The following SP100 variants were observed in gnomAD, a reference collection of about 807,000 sequenced individuals.
SP100 encodes the protein nuclear autoantigen Sp-100.
SP100 carries 84 observed loss-of-function variants against 130.0 expected under a neutral mutation model. That is an observed-to-expected ratio of 0.65 (90% CI 0.54 to 0.77). SP100 has a LOEUF of 0.77. Among genes scored for constraint, SP100 ranks in the 30% least tolerant of loss-of-function variants. The probability of loss-of-function intolerance (pLI) is 0.00; values close to 1 mark genes in which losing one functional copy is unlikely to be tolerated. For synonymous variants in SP100, 331 were observed against 351.7 expected (o/e 0.94, Z 0.66); for missense variants, 978 against 1,052.2 (o/e 0.93, Z 0.97).
chr2:230,441,585 A>G (rs2063469615), intron 2 of SP100, among the ~76,000 whole-genome samples: 1 of 152,206 alleles, frequency 6.6e-6, no homozygotes, highest in South Asian at 2.1e-4. Flanking sequence ...TGTTCAACAC[A>G]TCAACATGAA....
At chr2:230,511,291 A>C (rs1337533434) in intron 24 of SP100, 125 bp downstream of exon 24, 1 of 747,180 alleles carries the variant, frequency 1.3e-6, no homozygotes, top group African/African-American at 1.7e-5. Flanking sequence ...GTGTGTGATT[A>C]GAAGATGCAA....
At chr2:230,443,682 A>G (rs953029618) in intron 3 of SP100, among the ~76,000 whole-genome samples, 16 of 152,090 alleles carry the variant, frequency 1.1e-4, no homozygotes, top group Admixed American at 2.0e-4. Flanking sequence ...AATTCCACCC[A>G]TAGGCCCTGT....
At chr2:230,528,395 G>A (rs2195196) in intron 24 of SP100, among the ~76,000 whole-genome samples, 122,303 of 152,188 alleles carry the variant, frequency 0.8, 49,570 homozygotes, top group Middle Eastern at 0.92. Flanking sequence ...CAAATACACA[G>A]TGTACCAGAA....
intron 10 of SP100, 128 bp downstream of exon 10, chr2:230,462,646 T>G: frequency 4.1e-6 from 3 of 725,510 alleles, no homozygotes; most frequent in South Asian, 3.1e-5. Flanking sequence ...TCCCATTCTT[T>G]GCATTAATTT....
Position 230,416,289 on chromosome 2 carries a change from G to A in SP100, c.-8G>A, listed in dbSNP as rs376918563. 2.5e-6 allele frequency: 4 copies of A among 1,613,252 alleles called. No homozygotes were observed. The highest frequency in any genetic ancestry group is 2.2e-5 in the East Asian group (1 of 44,872). On this transcript the variant is annotated 5_prime_UTR_variant, in exon 1 of 29. The change creates a new upstream start codon in the 5' untranslated region. Coordinates refer to ENST00000340126, the MANE Select transcript of SP100 (RefSeq NM_001080391.2). Reference sequence around the variant, plus strand: ...CTCTGAGGCCCACGCAGGGCCTAGGGTGGGAAGATGGCAGGTGGGGGCGGC... The same window carrying A: ...CTCTGAGGCCCACGCAGGGCCTAGGATGGGAAGATGGCAGGTGGGGGCGGC...
chr2:230,504,987 T>G (rs1258414255), intron 21 of SP100, among the ~76,000 whole-genome samples: 1 of 152,110 alleles, frequency 6.6e-6, no homozygotes, highest in Non-Finnish European at 1.5e-5. Flanking sequence ...CTAAAGGGCT[T>G]TATCTTTATG....
chr2:230,472,171 G>A (rs1321707263), intron 15 of SP100, among the ~76,000 whole-genome samples: 1 of 152,136 alleles, frequency 6.6e-6, no homozygotes, highest in African/African-American at 2.4e-5. Flanking sequence ...ACTCATGCCT[G>A]TAATCCCAGC....
chr2:230,459,783 G>A (rs2064485417), intron 8 of SP100, among the ~76,000 whole-genome samples: 1 of 152,114 alleles, frequency 6.6e-6, no homozygotes, highest in Admixed American at 6.5e-5. Flanking sequence ...CTCCTGTCTG[G>A]CCCCCAGTCT....
intron 25 of SP100, among the ~76,000 whole-genome samples, chr2:230,540,213 C>G (rs1335866929): frequency 6.6e-6 from 1 of 152,180 alleles, no homozygotes; most frequent in African/African-American, 2.4e-5. Flanking sequence ...GCTCCTTGAG[C>G]AAGCACTACA....
chr2:230,528,575 A>T (rs1239342356), intron 24 of SP100, among the ~76,000 whole-genome samples: 2 of 152,352 alleles, frequency 1.3e-5, no homozygotes, highest in East Asian at 3.8e-4. Context: ...AACAACTAAG[A>T]TCAGAGCAGA....
At chr2:230,538,729 CA>C (rs1049196348) in intron 24 of SP100, 17 of 153,386 alleles carry the variant, frequency 1.1e-4, no homozygotes, top group African/African-American at 3.9e-4. Context: ...TCATCTTGCC[CA>C]CGGTTTTTCC....
intron 24 of SP100, among the ~76,000 whole-genome samples, chr2:230,530,572 AG>A (rs1691655013): frequency 2.0e-5 from 3 of 152,204 alleles, no homozygotes; most frequent in Admixed American, 2.0e-4. Context: ...AAGCCAAAAT[AG>A]ACAAATGGGT....
intron 17 of SP100, among the ~76,000 whole-genome samples, chr2:230,492,728 ACCTTAGTT>A (rs2066455510): frequency 6.6e-6 from 1 of 152,210 alleles, no homozygotes; most frequent in Non-Finnish European, 1.5e-5. Flanking sequence ...TTTCAGTTCT[ACCTTAGTT>A]TGCTGAAGTA....
At chr2:230,474,019 TA>T (rs2065410147) in intron 16 of SP100, among the ~76,000 whole-genome samples, 1 of 152,248 alleles carries the variant, frequency 6.6e-6, no homozygotes, top group Non-Finnish European at 1.5e-5. Context: ...ACTCTTATGC[TA>T]AAAATACATT....
At position 230,449,658 on chromosome 2, in the gene SP100, G is replaced by T; in HGVS notation, c.684G>T (p.Ser228=). ...ATACAACCAGTGACAAAGATGATTC[G>T]CTAGGAAGCCAACAAACAAATGAAC... The part of the protein sequence containing the change: ...RKDTTSDKDD[S]LGSQQTNEQC... Residue 228 remains serine, a synonymous_variant, in exon 7 of 29, where the codon TCG becomes TCT. Coordinates refer to ENST00000340126, the MANE Select transcript of SP100 (RefSeq NM_001080391.2). 6.2e-7 allele frequency: 1 copy of T among 1,614,096 alleles called. No individual in the cohort carries two copies. Among genetic ancestry groups the T allele is most frequent in the Non-Finnish European group, 8.5e-7 (1 of 1,180,000 alleles).
intron 11 of SP100, 113 bp downstream of exon 11, chr2:230,464,263 T>C: frequency 1.5e-6 from 1 of 672,256 alleles, no homozygotes; most frequent in South Asian, 1.8e-5. Context: ...CTTGATTCCA[T>C]AAATTCTAGA....
At chr2:230,515,069 A>C in intron 24 of SP100, 1 of 1,610,832 alleles carries the variant, frequency 6.2e-7, no homozygotes. Context: ...ATGTTATCAT[A>C]TGCATTTTTT....
intron 24 of SP100, among the ~76,000 whole-genome samples, chr2:230,525,875 G>A (rs1296262655): frequency 6.6e-6 from 1 of 152,192 alleles, no homozygotes; most frequent in Non-Finnish European, 1.5e-5. Flanking sequence ...GGCTTGAGTA[G>A]CTCACACTGT....
At chr2:230,539,513 A>AT (rs374984181) in intron 25 of SP100, 131 bp downstream of exon 25, 20 of 622,320 alleles carry the variant, frequency 3.2e-5, no homozygotes, top group African/African-American at 1.8e-4. Flanking sequence ...CAGGCTCCTT[A>AT]GCATCAAGAT....
Sources: allele counts gnomAD v4.1 joint callset (sites outside exome capture counted in the v4.1 genomes callset), GRCh38; gene constraint gnomAD v4.1.1; transcripts MANE v1.5; gene names NCBI Gene and HGNC (gene_info 2026-07-23, HGNC 2026-07-21).